MAGEE1: variants seen among roughly 807,000 people sequenced by gnomAD.
MAGEE1 encodes the protein MAGE family member E1, also known as melanoma-associated antigen E1.
A neutral mutation model predicts 12.0 loss-of-function variants in MAGEE1; 3 were observed. The observed-to-expected ratio is 0.25, with a 90% CI of 0.11 to 0.65. The LOEUF (loss-of-function observed/expected upper bound fraction) is 0.65. Among genes scored for constraint, MAGEE1 ranks in the 30% least tolerant of loss-of-function variants. The pLI, the probability that MAGEE1 is intolerant of heterozygous loss-of-function variation, is 0.84. For synonymous variants in MAGEE1, 414 were observed against 326.1 expected, an observed-to-expected ratio of 1.27 and a Z score of -2.91; for missense variants, 729 against 772.2, an observed-to-expected ratio of 0.94 and a Z score of 0.66.
At position 76,427,982 on chromosome X, in the gene MAGEE1, G is replaced by C; in HGVS notation, c.52G>C (p.Ala18Pro). The change falls in exon 1 of 1, where the codon GCT becomes CCT. Residue 18 changes from alanine to proline, a missense_variant. Ala to Pro is a conservative substitution (Grantham distance 27). This residue lies in a region of MAGEE1 where 473 missense variants were observed against 423.7 expected (regional missense o/e 1.12). Coordinates refer to ENST00000361470, the MANE Select transcript of MAGEE1 (RefSeq NM_020932.3). ...CCGCCGCCGCCGCCGCGTTGCAAAGGCTACTGCGCACAACAGCAGCTGGGG... is the reference window on the plus strand; with the variant it reads ...CCGCCGCCGCCGCCGCGTTGCAAAGCCTACTGCGCACAACAGCAGCTGGGG... The part of the protein sequence containing the change: ...SRRRRRRVAK[A>P]TAHNSSWGEM... 2 of 1,207,072 alleles carry C rather than the reference G, an allele frequency of 1.7e-6. No individual in the cohort carries two copies. Among genetic ancestry groups the C allele is most frequent in the Non-Finnish European group, 1.1e-6 (1 of 893,786 alleles).
At position 76,428,073 on chromosome X, in the gene MAGEE1, G is replaced by C. The variant is rs782636822; in HGVS notation, c.143G>C (p.Gly48Ala). ...ADVPGSDVPQ[G>A]PSDSQILQGL... The stretch of plus-strand genomic sequence containing the variant: ...GTGCCAGGCTCAGACGTCCCCCAGG[G>C]TCCCAGCGATTCCCAGATCCTCCAG... The change falls in exon 1 of 1, where the codon GGT becomes GCT. Residue 48 changes from glycine to alanine, a missense_variant. Transcript: ENST00000361470. 4 of 1,180,295 alleles carry C rather than the reference G, an allele frequency of 3.4e-6. No individual in the cohort carries two copies. Among genetic ancestry groups the C allele is most frequent in the Non-Finnish European group, 4.5e-6 (4 of 879,650 alleles).
Position 76,430,330 on chromosome X carries a change from A to G in MAGEE1, c.2400A>G (p.Thr800=). 1 of 1,212,252 alleles carries G rather than the reference A, an allele frequency of 8.2e-7. No homozygotes were observed. The highest frequency in any genetic ancestry group is 1.1e-6 in the Non-Finnish European group (1 of 895,616). The change falls in exon 1 of 1, where the codon ACA becomes ACG. Residue 800 remains threonine, a synonymous_variant. Transcript: ENST00000361470. ...AARTLNHVYG[T]ELVVLDPRNH... ...GCACCCTGAACCATGTCTATGGGACAGAACTAGTGGTACTTGATCCCAGGA... is the reference window on the plus strand; with the variant it reads ...GCACCCTGAACCATGTCTATGGGACGGAACTAGTGGTACTTGATCCCAGGA...
rs996455365 is a variant in MAGEE1, at chrX:76,427,728, A to G, written c.-203A>G. ...GCAGAGTACAGTGAGACTAGCATTC[A>G]CTGCTGGCCAGTGCCTGCCTTTTTC... On this transcript the variant is annotated 5_prime_UTR_variant, in exon 1 of 1. Coordinates refer to ENST00000361470, the MANE Select transcript of MAGEE1 (RefSeq NM_020932.3). 5 of 445,549 alleles carry G rather than the reference A, an allele frequency of 1.1e-5. No individual in the cohort carries two copies. The Admixed American group carries it at 1.7e-4, about 15-fold the overall frequency. 36.7% of individuals were successfully genotyped at this position (445,549 alleles called of 1,213,427 possible).
chrX:76,430,991 A>C lies in MAGEE1; in HGVS notation c.*187A>C, dbSNP rs1923372333. ...TTCAACTGTTTTAATATATTGTCTG[A>C]TTGGGTAAATGTGATTGACCACTTG... On this transcript the variant is annotated 3_prime_UTR_variant, in exon 1 of 1. Coordinates refer to ENST00000361470, the MANE Select transcript of MAGEE1 (RefSeq NM_020932.3). The C allele has an allele frequency of 2.5e-6, 1 of 407,403 alleles. No homozygotes were observed. Among genetic ancestry groups the C allele is most frequent in the African/African-American group, 2.5e-5 (1 of 40,302 alleles). 33.6% of individuals were successfully genotyped at this position (407,403 alleles called of 1,213,427 possible).
chrX:76,429,955 A>T lies in MAGEE1; in HGVS notation c.2025A>T (p.Ile675=). 1 of 1,211,208 alleles carries T rather than the reference A, an allele frequency of 8.3e-7. No homozygotes were observed. The highest frequency in any genetic ancestry group is 3.0e-5 in the East Asian group (1 of 33,825). Residue 675 remains isoleucine, a synonymous_variant, in exon 1 of 1, where the codon ATA becomes ATT. Transcript: ENST00000361470. ...AAATTCTGAAGTTCATGGCGAAAAT[A>T]TATAACAAAGATCCTATGGATTGGC... ...KMKILKFMAK[I]YNKDPMDWPE...
In MAGEE1 at chrX:76,429,053, G is replaced by C; in HGVS notation, c.1123G>C (p.Gly375Arg). The C allele has an allele frequency of 1.7e-6, 2 of 1,211,999 alleles. No individual in the cohort carries two copies. The highest frequency in any genetic ancestry group is 3.4e-5 in the African/African-American group (2 of 58,044). Residue 375 changes from glycine (G) to arginine (R), a missense_variant, in exon 1 of 1, where the codon GGA becomes CGA. Gly to Arg is a moderately radical substitution (Grantham distance 125, BLOSUM62 -2). Coordinates refer to ENST00000361470, the MANE Select transcript of MAGEE1 (RefSeq NM_020932.3). ...STSVPPTASD[G>R]SDTSVPPTPG... Reference sequence around the variant, plus strand: ...CTCTGTGCCGCCCACCGCCTCTGATGGATCGGACACCTCCGTGCCGCCCAC... The same window carrying C: ...CTCTGTGCCGCCCACCGCCTCTGATCGATCGGACACCTCCGTGCCGCCCAC...
rs1376509486 is a variant in MAGEE1 at position 76,429,374 on chromosome X, G to T, written c.1444G>T (p.Ala482Ser). 4.1e-6 allele frequency: 5 copies of T among 1,211,867 alleles called. No individual in the cohort carries two copies. The highest frequency in any genetic ancestry group is 3.4e-6 in the Non-Finnish European group (3 of 895,521). The change falls in exon 1 of 1, where the codon GCA (alanine) becomes TCA (serine). Residue 482 changes from alanine to serine, a missense_variant. By Grantham distance (99) the Ala-to-Ser change is moderately conservative. Transcript: ENST00000361470. Reference sequence around the variant, plus strand: ...TATGGGCCTCAATACTTCCCGGGTTGCAATTACCCTGAAGCCCCAAGACCC... The same window carrying T: ...TATGGGCCTCAATACTTCCCGGGTTTCAATTACCCTGAAGCCCCAAGACCC... Reference protein sequence around the residue: ...SIMGLNTSRVAITLKPQDPME... With the variant: ...SIMGLNTSRVSITLKPQDPME...
Position 76,427,902 on chromosome X carries a change from C to G in MAGEE1, c.-29C>G. ...GATCGCGGGCCTGTCGGTGTCTGCT[C>G]CTACACGCCAACGCCGGTGGGCAGG... On this transcript the variant is annotated 5_prime_UTR_variant, in exon 1 of 1. Transcript: ENST00000361470. The G allele has an allele frequency of 8.5e-7, 1 of 1,170,505 alleles. No individual in the cohort carries two copies. Among genetic ancestry groups the G allele is most frequent in the Middle Eastern group, 3.0e-4 (1 of 3,354 alleles).
At position 76,428,298 on chromosome X, in the gene MAGEE1, G is replaced by A; in HGVS notation, c.368G>A (p.Gly123Glu). 8.3e-7 allele frequency: 1 copy of A among 1,210,820 alleles called. No homozygotes were observed. The highest frequency in any genetic ancestry group is 1.1e-6 in the Non-Finnish European group (1 of 895,155). Residue 123 changes from glycine to glutamate, a missense_variant, in exon 1 of 1, where the codon GGG (glycine) becomes GAG (glutamate). Gly to Glu is a moderately conservative substitution (Grantham distance 98, BLOSUM62 -2). Transcript: ENST00000361470. ...STSGPPTISK[G>E]LCTSVTLAAS... ...TCCGGGCCTCCCACCATCTCTAAGG[G>A]GCTGTGCACCTCTGTGACGCTTGCC...
rs1330236001 is a variant in MAGEE1 at position 76,430,454 on chromosome X, C to T, written c.2524C>T (p.Leu842=). 1 of 1,208,465 alleles carries T rather than the reference C, an allele frequency of 8.3e-7. No homozygotes were observed. The highest frequency in any genetic ancestry group is 1.1e-6 in the Non-Finnish European group (1 of 894,617). Residue 842 remains leucine, a synonymous_variant, in exon 1 of 1, where the codon CTA becomes TTA. Coordinates refer to ENST00000361470, the MANE Select transcript of MAGEE1 (RefSeq NM_020932.3). ...RPGNNFLMQV[L]SFIFIMGNHA... ...TGGCAACAACTTTTTGATGCAGGTC[C>T]TAAGCTTCATCTTTATTATGGGCAA...
At position 76,428,352 on chromosome X, in the gene MAGEE1, C is replaced by T. The variant is rs1923263388; in HGVS notation, c.422C>T (p.Pro141Leu). ...TCTGAGGGCCGGAACACCTCCAGGCCGCCCACTTCCTCTGAGGAACCTAGC... is the reference window on the plus strand; with the variant it reads ...TCTGAGGGCCGGAACACCTCCAGGCTGCCCACTTCCTCTGAGGAACCTAGC... ...AASEGRNTSR[P>L]PTSSEEPSTS... The change falls in exon 1 of 1, where the codon CCG becomes CTG. Residue 141 changes from proline to leucine, a missense_variant. Physicochemically the swap from Pro to Leu is moderately conservative, Grantham distance 98. Transcript: ENST00000361470. 2 of 1,209,235 alleles carry T rather than the reference C, an allele frequency of 1.7e-6. No individual in the cohort carries two copies. Among genetic ancestry groups the T allele is most frequent in the Non-Finnish European group, 2.2e-6 (2 of 894,805 alleles).
At position 76,427,777 on chromosome X, in the gene MAGEE1, C is replaced by T; in HGVS notation, c.-154C>T. ...TCACCACCTCTAATTTCAGCTTCAG[C>T]AGTTGCTTGGAACTTTGGTTCTGGC... On this transcript the variant is annotated 5_prime_UTR_variant, in exon 1 of 1. Transcript: ENST00000361470. The T allele has an allele frequency of 1.7e-6, 1 of 596,817 alleles. No individual in the cohort carries two copies. Among genetic ancestry groups the T allele is most frequent in the Non-Finnish European group, 2.7e-6 (1 of 376,554 alleles). 49.2% of individuals were successfully genotyped at this position (596,817 alleles called of 1,213,427 possible).
chrX:76,428,372 C>A lies in MAGEE1; in HGVS notation c.442C>A (p.Pro148Thr), dbSNP rs782620124. The change falls in exon 1 of 1, where the codon CCT becomes ACT. Residue 148 changes from proline to threonine, a missense_variant. Pro to Thr is a conservative substitution (Grantham distance 38). Transcript: ENST00000361470. ...TSRPPTSSEE[P>T]STSVPPTASE... ...CAGGCCGCCCACTTCCTCTGAGGAA[C>A]CTAGCACCTCCGTGCCGCCCACCGC... 5 of 1,210,628 alleles carry A rather than the reference C, an allele frequency of 4.1e-6. No individual in the cohort carries two copies. In the African/African-American group the frequency reaches 7.0e-5, roughly 17 times the overall value.
chrX:76,430,213 A>C lies in MAGEE1; in HGVS notation c.2283A>C (p.Ser761=). Residue 761 remains serine (S), a synonymous_variant, in exon 1 of 1, where the codon TCA becomes TCC. Coordinates refer to ENST00000361470, the MANE Select transcript of MAGEE1 (RefSeq NM_020932.3). ...TGCAGTTATTTCTGCTTATGGATTC[A>C]ACTAAGCTGCCTATACCAAAGAAAG... ...KLVQLFLLMD[S]TKLPIPKKGI... is the part of the protein sequence containing the mutation. 1 of 1,211,714 alleles carries C rather than the reference A, an allele frequency of 8.3e-7. No individual in the cohort carries two copies. Among genetic ancestry groups the C allele is most frequent in the Middle Eastern group, 2.3e-4 (1 of 4,353 alleles).
chrX:76,430,205 A>G lies in MAGEE1; in HGVS notation c.2275A>G (p.Met759Val). ...GAAGCTGGTGCAGTTATTTCTGCTT[A>G]TGGATTCAACTAAGCTGCCTATACC... ...ARKLVQLFLL[M>V]DSTKLPIPKK... is the part of the protein sequence containing the mutation. Residue 759 changes from methionine to valine, a missense_variant, in exon 1 of 1, where the codon ATG becomes GTG. Around this residue, in one of 4 missense-constraint regions of MAGEE1, gnomAD observed 101 missense variants for 161.3 expected, o/e 0.63. Transcript: ENST00000361470. 1 of 1,210,239 alleles carries G rather than the reference A, an allele frequency of 8.3e-7. No homozygotes were observed. The highest frequency in any genetic ancestry group is 1.1e-6 in the Non-Finnish European group (1 of 895,325).
rs1923373031 is a variant in MAGEE1, at chrX:76,431,012, A to G, written c.*208A>G. The G allele has an allele frequency of 2.7e-6, 1 of 376,991 alleles. No homozygotes were observed. The highest frequency in any genetic ancestry group is 4.7e-6 in the Non-Finnish European group (1 of 213,196). 31.1% of individuals were successfully genotyped at this position (376,991 alleles called of 1,213,427 possible). A position where few individuals can be genotyped will look rare whatever the true frequency, so the allele number is the denominator to read the frequency against. ...TCTGATTGGGTAAATGTGATTGACCACTTGCTGTCTCTGTTGTATTTTGGT... is the reference window on the plus strand; with the variant it reads ...TCTGATTGGGTAAATGTGATTGACCGCTTGCTGTCTCTGTTGTATTTTGGT... On this transcript the variant is annotated 3_prime_UTR_variant, in exon 1 of 1. Transcript: ENST00000361470.
rs1923240230 is a variant in MAGEE1 at position 76,427,823 on chromosome X, C to T, written c.-108C>T. The T allele has an allele frequency of 1.1e-6, 1 of 888,807 alleles. No individual in the cohort carries two copies. Among genetic ancestry groups the T allele is most frequent in the African/African-American group, 2.0e-5 (1 of 50,277 alleles). 73.2% of individuals were successfully genotyped at this position (888,807 alleles called of 1,213,427 possible). A position where few individuals can be genotyped will look rare whatever the true frequency, so the allele number is the denominator to read the frequency against. ...CTGGCAGCAGCAGCAACATCATTAC[C>T]GCTAGCGGCAGTTTTGTGCCGAGGC... On this transcript the variant is annotated 5_prime_UTR_variant, in exon 1 of 1. Transcript: ENST00000361470.
Position 76,428,863 on chromosome X carries a change from T to C in MAGEE1, c.933T>C (p.Thr311=), listed in dbSNP as rs1923302995. Residue 311 remains threonine (T), a synonymous_variant, in exon 1 of 1, where the codon ACT becomes ACC. Coordinates refer to ENST00000361470, the MANE Select transcript of MAGEE1 (RefSeq NM_020932.3). ...TEGLSTSVQP[T]AGEGSSTSVP... is the part of the protein sequence containing the mutation. ...GCCTGAGCACCTCCGTGCAGCCCAC[T>C]GCTGGTGAGGGATCGAGCACCTCCG... The C allele has an allele frequency of 8.3e-7, 1 of 1,198,486 alleles. No homozygotes were observed. Among genetic ancestry groups the C allele is most frequent in the Non-Finnish European group, 1.1e-6 (1 of 890,447 alleles).
Position 76,428,620 on chromosome X carries a change from G to A in MAGEE1, c.690G>A (p.Glu230=). The change falls in exon 1 of 1, where the codon GAG becomes GAA. Residue 230 remains glutamate (E), a synonymous_variant. Coordinates refer to ENST00000361470, the MANE Select transcript of MAGEE1 (RefSeq NM_020932.3). ...LSTSVQATPD[E]GPSTSVPPTA... ...CCTCCGTGCAGGCCACTCCTGATGA[G>A]GGACCGAGCACCTCCGTGCCGCCCA... The A allele has an allele frequency of 1.7e-6, 2 of 1,209,282 alleles. No homozygotes were observed. Among genetic ancestry groups the A allele is most frequent in the Non-Finnish European group, 2.2e-6 (2 of 894,684 alleles).
Sources: allele counts gnomAD v4.1 joint callset, GRCh38; gene constraint gnomAD v4.1.1; regional missense constraint gnomAD v4.1.1; transcripts MANE v1.5; gene names NCBI Gene and HGNC (gene_info 2026-07-23, HGNC 2026-07-21).